CC2D2A: variants seen among roughly 807,000 people sequenced by gnomAD.
CC2D2A encodes coiled-coil and C2 domain-containing protein 2A.
In CC2D2A, 155 loss-of-function variants were observed where a neutral mutation model predicts 212.9. The ratio of observed to expected loss-of-function variants is 0.73; its 90% CI spans 0.64 to 0.83. CC2D2A has a LOEUF of 0.83. Among genes scored for constraint, CC2D2A ranks in the 40% least tolerant of loss-of-function variants. The pLI, the probability that CC2D2A is intolerant of heterozygous loss-of-function variation, is 0.00. For missense variants in CC2D2A, 1,856 were observed against 1,956.2 expected (o/e 0.95, Z 0.97); for synonymous variants, 667 against 686.5 (o/e 0.97, Z 0.44).
At chr4:15,508,202 T>A (rs2109004203) in intron 6 of CC2D2A, among the ~76,000 whole-genome samples, 1 of 152,318 alleles carries the variant, frequency 6.6e-6, no homozygotes, top group East Asian at 1.9e-4. Context: ...CCTCAGAGGA[T>A]CCCTGTGGGT....
Position 15,511,367 on chromosome 4 carries a change from G to A in CC2D2A, c.661G>A (p.Glu221Lys). ...KARHRAGTNQEEEEGEEEEPP... is the reference protein window; with the variant it reads ...KARHRAGTNQKEEEGEEEEPP... ...AAGACATAGAGCGGGAACTAATCAAGAGGAGGAGGAAGGGGAAGAAGAAGA... is the reference window on the plus strand; with the variant it reads ...AAGACATAGAGCGGGAACTAATCAAAAGGAGGAGGAAGGGGAAGAAGAAGA... The change falls in exon 8 of 37, where the codon GAG (glutamate) becomes AAG (lysine). Residue 221 changes from glutamate (E) to lysine (K), a missense_variant. Around this residue, in one of 5 missense-constraint regions of CC2D2A, gnomAD observed 1,512 missense variants for 1,579.3 expected, o/e 0.96. Transcript: ENST00000424120. The A allele has an allele frequency of 2.6e-6, 4 of 1,565,434 alleles. No individual in the cohort carries two copies. Among genetic ancestry groups the A allele is most frequent in the Non-Finnish European group, 3.4e-6 (4 of 1,162,650 alleles).
chr4:15,577,234 G>T (rs559718415), intron 29 of CC2D2A, among the ~76,000 whole-genome samples: 2 of 152,292 alleles, frequency 1.3e-5, no homozygotes, highest in African/African-American at 4.8e-5. Flanking sequence ...GGGCTCAAGT[G>T]ATCCTCCGGC....
chr4:15,512,247 C>T (rs1166050652), intron 8 of CC2D2A, among the ~76,000 whole-genome samples: 2 of 152,174 alleles, frequency 1.3e-5, no homozygotes, highest in African/African-American at 4.8e-5. Context: ...AGAATTTGAA[C>T]ATATACTTGT....
In CC2D2A at chr4:15,601,474, T is replaced by C. The variant is rs1721598985; in HGVS notation, c.*49T>C. The C allele has an allele frequency of 8.3e-7, 1 of 1,204,674 alleles. No homozygotes were observed. Among genetic ancestry groups the C allele is most frequent in the Non-Finnish European group, 1.1e-6 (1 of 899,402 alleles). 74.6% of individuals were successfully genotyped at this position (1,204,674 alleles called of 1,614,324 possible). A position where few individuals can be genotyped will look rare whatever the true frequency, so the allele number is the denominator to read the frequency against. ...TCATGTAAAAACTACACTTAGGATA[T>C]GAGAAAATTTTAAATTATATGCATC... On this transcript the variant is annotated 3_prime_UTR_variant, in exon 37 of 37. Coordinates refer to ENST00000424120, the MANE Select transcript of CC2D2A (RefSeq NM_001378615.1).
rs535569226 is a variant in CC2D2A at position 15,507,065 on chromosome 4, G to A, written c.439-3074G>A. Among the ~76,000 whole-genome samples the A allele has an allele frequency of 1.6e-4, 24 of 148,186 alleles. No individual in the cohort carries two copies. In the South Asian group the frequency reaches 4.1e-3, roughly 25 times the overall value. ...TGCACTCCAGTCTGGGTGACAGAAC[G>A]AGACTCCATCTCAAAAAAAAAAAAA... is the stretch of plus-strand genomic sequence containing the variant. On this transcript the variant is annotated intron_variant, in intron 6 of 36. Transcript: ENST00000424120.
rs531228207 is a variant in CC2D2A at position 15,506,414 on chromosome 4, A to G, written c.438+3491A>G. Among the ~76,000 whole-genome samples, 22 of 152,350 alleles carry G rather than the reference A, an allele frequency of 1.4e-4. No individual in the cohort carries two copies. In the South Asian group the frequency reaches 4.6e-3, roughly 32 times the overall value. ...AACCCAATGGAAAGAAACAAAAATA[A>G]TAATTTCCACATATTTTGCCACATG... On this transcript the variant is annotated intron_variant, in intron 6 of 36. Coordinates refer to ENST00000424120, the MANE Select transcript of CC2D2A (RefSeq NM_001378615.1).
At chr4:15,504,283 T>A (rs1285643846) in intron 6 of CC2D2A, among the ~76,000 whole-genome samples, 1 of 152,190 alleles carries the variant, frequency 6.6e-6, no homozygotes, top group Non-Finnish European at 1.5e-5. Context: ...TTTATGACTA[T>A]TTGTTATGTG....
chr4:15,535,755 T>C (rs1241772985), intron 14 of CC2D2A, among the ~76,000 whole-genome samples: 1 of 152,210 alleles, frequency 6.6e-6, no homozygotes, highest in Non-Finnish European at 1.5e-5. Flanking sequence ...CTCCAGGCGA[T>C]ATGTGTCCAT....
In CC2D2A at chr4:15,557,395, A is replaced by C. The variant is rs374452139; in HGVS notation, c.2717A>C (p.Asn906Thr). 1 of 1,613,570 alleles carries C rather than the reference A, an allele frequency of 6.2e-7. No homozygotes were observed. Among genetic ancestry groups the C allele is most frequent in the African/African-American group, 1.3e-5 (1 of 74,926 alleles). The change falls in exon 21 of 37, where the codon AAT (asparagine) becomes ACT (threonine). Residue 906 changes from asparagine to threonine, a missense_variant. Transcript: ENST00000424120. ...AACTTTGTTTCAGATCAAGAATTAA[A>C]TAGATCCAAACGATTTAGGCTTCTT... ...EFNFVSDQEL[N>T]RSKRFRLLHL...
chr4:15,596,280 T>G (rs762657747), intron 34 of CC2D2A, 73 bp downstream of exon 34: 39 of 1,356,588 alleles, frequency 2.9e-5, no homozygotes, highest in Non-Finnish European at 3.8e-5. Flanking sequence ...TACAAGATAT[T>G]TTTTACCCCT....
At chr4:15,556,178 A>C (rs751769637) in intron 20 of CC2D2A, among the ~76,000 whole-genome samples, 10 of 152,210 alleles carry the variant, frequency 6.6e-5, no homozygotes, top group Non-Finnish European at 1.3e-4. Flanking sequence ...TGGCAACTTC[A>C]TTATTCACAC....
At position 15,574,173 on chromosome 4, in the gene CC2D2A, T is replaced by A. The variant is rs766400907; in HGVS notation, c.3618T>A (p.Asp1206Glu). ...QARIDGTFKIDIPPVLLGYSK... is the reference protein window; with the variant it reads ...QARIDGTFKIEIPPVLLGYSK... ...AGATTGATGGAACATTTAAAATAGA[T>A]ATTCCCCCAGTTCTTCTGGGCTACA... Residue 1206 changes from aspartate (D) to glutamate (E), a missense_variant, in exon 29 of 37, where the codon GAT (aspartate) becomes GAA (glutamate). Asp to Glu is a conservative substitution (Grantham distance 45). Around this residue, in one of 5 missense-constraint regions of CC2D2A, gnomAD observed 1,512 missense variants for 1,579.3 expected, o/e 0.96. Transcript: ENST00000424120. 31 of 1,548,112 alleles carry A rather than the reference T, an allele frequency of 2.0e-5. 1 individual carries two copies. In the Middle Eastern group the frequency reaches 5.1e-4, roughly 25 times the overall value.
intron 1 of CC2D2A, among the ~76,000 whole-genome samples, chr4:15,475,060 G>C (rs779342506): frequency 4.6e-5 from 7 of 152,182 alleles, no homozygotes; most frequent in Non-Finnish European, 8.8e-5. Flanking sequence ...CGGATCACAA[G>C]GTCAGGAGTT....
intron 6 of CC2D2A, 62 bp downstream of exon 6, chr4:15,502,985 C>T (rs1313047672): frequency 1.5e-6 from 2 of 1,347,976 alleles, no homozygotes; most frequent in African/African-American, 1.5e-5. Flanking sequence ...AAGTTTCCAG[C>T]AAAAGTTTTT....
chr4:15,532,710 A>G (rs184384001), intron 13 of CC2D2A, among the ~76,000 whole-genome samples: 1 of 152,258 alleles, frequency 6.6e-6, no homozygotes, highest in Non-Finnish European at 1.5e-5. Context: ...ATGCCTCTTC[A>G]GATCAAGCCA....
rs1046633410 is a variant in CC2D2A at position 15,480,713 on chromosome 4, G to A, written c.133G>A (p.Ala45Thr). 1.9e-6 allele frequency: 3 copies of A among 1,610,254 alleles called. No individual in the cohort carries two copies. The highest frequency in any genetic ancestry group is 2.5e-6 in the Non-Finnish European group (3 of 1,178,382). Residue 45 changes from alanine (A) to threonine (T), a missense_variant, in exon 4 of 37, where the codon GCT becomes ACT. Ala to Thr is a moderately conservative substitution (Grantham distance 58). Coordinates refer to ENST00000424120, the MANE Select transcript of CC2D2A (RefSeq NM_001378615.1). ...GACCTTCTTCCTCCAGCCACCAACT[G>A]CTGTCCCCAAGGAAATGGTGTCCGA... Reference protein sequence around the residue: ...RQPRKKQPPTAVPKEMVSEKS... With the variant: ...RQPRKKQPPTTVPKEMVSEKS...
intron 4 of CC2D2A, among the ~76,000 whole-genome samples, chr4:15,488,800 C>T (rs1230261994): frequency 6.6e-6 from 1 of 152,236 alleles, no homozygotes; most frequent in African/African-American, 2.4e-5. Flanking sequence ...TGGCCTCACA[C>T]ACTGCTTCGG....
At chr4:15,570,924 C>A (rs565646540) in intron 28 of CC2D2A, among the ~76,000 whole-genome samples, 3 of 152,000 alleles carry the variant, frequency 2.0e-5, no homozygotes, top group Non-Finnish European at 4.4e-5. Flanking sequence ...AAAAAACTTT[C>A]TTTGTGCGAT....
chr4:15,480,966 T>C, intron 4 of CC2D2A, 139 bp downstream of exon 4: 1 of 993,714 alleles, frequency 1.0e-6, no homozygotes, highest in Non-Finnish European at 1.5e-6. Context: ...CCCAACTTGG[T>C]GAGTGACTCT....
Sources: allele counts gnomAD v4.1 joint callset (sites outside exome capture counted in the v4.1 genomes callset), GRCh38; gene constraint gnomAD v4.1.1; regional missense constraint gnomAD v4.1.1; transcripts MANE v1.5; gene names NCBI Gene and HGNC (gene_info 2026-07-23, HGNC 2026-07-21).